Variants in GLIS3 observed in about 807,000 individuals in gnomAD.
The protein encoded by GLIS3 is zinc finger protein GLIS3.
GLIS3 carries 53 observed loss-of-function variants against 78.6 expected under a neutral mutation model. That is an observed-to-expected ratio of 0.67 (90% CI 0.54 to 0.85). GLIS3 has a LOEUF of 0.85. Among genes scored for constraint, GLIS3 ranks in the 40% least tolerant of loss-of-function variants. The pLI is 0.00. For missense variants in GLIS3, 1,703 were observed against 1,231.1 expected, an observed-to-expected ratio of 1.38 and a Z score of -5.74; for synonymous variants, 684 against 509.9, an observed-to-expected ratio of 1.34 and a Z score of -4.60.
chr9:4,317,768 T>C (rs1222647405), intron 2 of GLIS3, among the ~76,000 whole-genome samples: 2 of 152,202 alleles, frequency 1.3e-5, no homozygotes, highest in Non-Finnish European at 1.5e-5. Flanking sequence ...TCAGAATTTA[T>C]TTACTGTTCA....
chr9:4,237,189 G>A (rs141592732), intron 2 of GLIS3, among the ~76,000 whole-genome samples: 1 of 151,900 alleles, frequency 6.6e-6, no homozygotes, highest in East Asian at 1.9e-4. Context: ...TATTATAGCA[G>A]GTTATTTAGA....
At chr9:4,487,673 T>G in the GLIS3 span, among the ~76,000 whole-genome samples, 11 of 149,346 alleles carry the variant, frequency 7.4e-5, no homozygotes, top group Non-Finnish European at 1.5e-4. Context: ...AGCATGGGTA[T>G]GCTTATGGTC....
chr9:3,874,636 T>C (rs527871464), intron 8 of GLIS3, among the ~76,000 whole-genome samples: 3 of 152,016 alleles, frequency 2.0e-5, no homozygotes, highest in East Asian at 1.9e-4. Flanking sequence ...TCTGACACTC[T>C]CTCCAAGTAG....
At chr9:4,122,819 G>C (rs936090980) in intron 3 of GLIS3, among the ~76,000 whole-genome samples, 1 of 152,174 alleles carries the variant, frequency 6.6e-6, no homozygotes, top group Non-Finnish European at 1.5e-5. Flanking sequence ...TACTGTATCA[G>C]CACCTCAGCC....
chr9:4,094,589 A>G (rs1829791952), intron 4 of GLIS3, among the ~76,000 whole-genome samples: 1 of 152,228 alleles, frequency 6.6e-6, no homozygotes. Context: ...ATTCATAAAT[A>G]ACTGAATGAA....
intron 4 of GLIS3, among the ~76,000 whole-genome samples, chr9:4,070,296 A>G (rs971196046): frequency 2.0e-5 from 3 of 152,164 alleles, no homozygotes; most frequent in Non-Finnish European, 4.4e-5. Context: ...ATGGATAATG[A>G]CTTAGGATAA....
intron 2 of GLIS3, among the ~76,000 whole-genome samples, chr9:4,329,066 G>C (rs561724840): frequency 6.6e-6 from 1 of 152,180 alleles, no homozygotes; most frequent in Non-Finnish European, 1.5e-5. Context: ...CCAGGCTATC[G>C]TTTTAACACT....
At chr9:4,184,309 G>A (rs1377822173) in intron 2 of GLIS3, among the ~76,000 whole-genome samples, 3 of 152,156 alleles carry the variant, frequency 2.0e-5, no homozygotes, top group African/African-American at 4.8e-5. Context: ...ACTGCACAAG[G>A]ATGTTGTAAA....
At chr9:4,156,527 C>G (rs2131062994) in intron 2 of GLIS3, among the ~76,000 whole-genome samples, 1 of 152,280 alleles carries the variant, frequency 6.6e-6, no homozygotes, top group Middle Eastern at 3.4e-3. Context: ...GTAAGTAGGG[C>G]ACAGAGATGC....
At chr9:4,359,992 T>A in the GLIS3 span, among the ~76,000 whole-genome samples, 2 of 152,130 alleles carry the variant, frequency 1.3e-5, no homozygotes, top group Non-Finnish European at 2.9e-5. Context: ...ATATAATGTA[T>A]TTTAAGCATT....
At chr9:3,829,233 C>A in intron 10 of GLIS3, 77 bp downstream of exon 10, 1 of 1,280,696 alleles carries the variant, frequency 7.8e-7, no homozygotes, top group Non-Finnish European at 1.1e-6. Flanking sequence ...ACGTCCAGCC[C>A]AGGTCGGTCA....
chr9:4,476,404 C>T, the GLIS3 span, among the ~76,000 whole-genome samples: 1 of 152,084 alleles, frequency 6.6e-6, no homozygotes, highest in East Asian at 1.9e-4. Context: ...TCTTGTCACC[C>T]AGGCTGGAGT....
At chr9:3,847,197 TTAAA>T (rs1819104748) in intron 9 of GLIS3, among the ~76,000 whole-genome samples, 1 of 144,420 alleles carries the variant, frequency 6.9e-6, no homozygotes, top group African/African-American at 2.6e-5. Context: ...AAAAATAAAA[TTAAA>T]TAAATACATA....
At chr9:3,883,746 T>C (rs1821889683) in intron 7 of GLIS3, among the ~76,000 whole-genome samples, 1 of 152,226 alleles carries the variant, frequency 6.6e-6, no homozygotes, top group African/African-American at 2.4e-5. Flanking sequence ...AGAGGGCTTC[T>C]AAGTGAACTT....
intron 2 of GLIS3, among the ~76,000 whole-genome samples, chr9:4,340,653 G>A (rs1333699116): frequency 6.6e-6 from 1 of 152,106 alleles, no homozygotes; most frequent in Non-Finnish European, 1.5e-5. Flanking sequence ...TGAACCTGGA[G>A]ACCGTTGTCG....
intron 2 of GLIS3, among the ~76,000 whole-genome samples, chr9:4,205,946 T>C (rs1819839553): frequency 6.6e-6 from 1 of 152,258 alleles, no homozygotes; most frequent in Non-Finnish European, 1.5e-5. Flanking sequence ...AGGATTTCTT[T>C]TTTTTTAGTT....
At chr9:4,423,013 G>C in the GLIS3 span, among the ~76,000 whole-genome samples, 1 of 152,120 alleles carries the variant, frequency 6.6e-6, no homozygotes, top group Non-Finnish European at 1.5e-5. Flanking sequence ...TGTGTTCTAA[G>C]GGTCAGGTGG....
At chr9:4,451,968 T>C in the GLIS3 span, among the ~76,000 whole-genome samples, 4 of 151,752 alleles carry the variant, frequency 2.6e-5, no homozygotes, top group African/African-American at 7.3e-5. Flanking sequence ...AAAAAGCTTA[T>C]CCACCACAAT....
chr9:4,079,847 G>C (rs1320890264), intron 4 of GLIS3, among the ~76,000 whole-genome samples: 5 of 151,272 alleles, frequency 3.3e-5, no homozygotes, highest in Non-Finnish European at 7.4e-5. Context: ...ATGAATCAGA[G>C]CTACTGATAA....
Sources: gnomAD v4.1 joint callset for allele counts (sites outside exome capture counted in the v4.1 genomes callset) on GRCh38, gnomAD v4.1.1 for gene constraint, MANE v1.5 for transcripts, NCBI Gene and HGNC (gene_info 2026-07-23, HGNC 2026-07-21) for gene names.